Variants in MTOR observed in about 807,000 individuals in gnomAD.
MTOR encodes the protein mechanistic target of rapamycin kinase.
A neutral mutation model predicts 319.8 loss-of-function variants in MTOR; 70 were observed. The ratio of observed to expected loss-of-function variants is 0.22; its 90% CI spans 0.18 to 0.27. The LOEUF (loss-of-function observed/expected upper bound fraction) is 0.27, where lower values mean the gene tolerates loss of function less well. Ranked by LOEUF, MTOR falls within the 10% of genes least tolerant of loss-of-function variation. The probability of loss-of-function intolerance (pLI) is 1.00; values close to 1 mark genes in which losing one functional copy is unlikely to be tolerated. For synonymous variants in MTOR, 1,183 were observed against 1,211.4 expected (o/e 0.98, Z 0.49); for missense variants, 1,890 against 3,274.4 (o/e 0.58, Z 10.32).
At chr1:11,259,171 CA>C (rs529301227) in intron 2 of MTOR, 76 bp downstream of exon 2, 349 of 1,501,986 alleles carry the variant, frequency 2.3e-4, no homozygotes, top group East Asian at 4.6e-4. Context: ...CTTAGCTGTA[CA>C]AAAAAAAATG....
At chr1:11,250,947 G>C (rs1649588729) in intron 6 of MTOR, among the ~76,000 whole-genome samples, 2 of 152,086 alleles carry the variant, frequency 1.3e-5, no homozygotes, top group South Asian at 2.1e-4. Flanking sequence ...CAACTCCATA[G>C]CTCCCACTGT....
At chr1:11,131,929 T>C (rs1208497922) in intron 38 of MTOR, 1 of 152,232 alleles carries the variant, frequency 6.6e-6, no homozygotes, top group Non-Finnish European at 1.5e-5. Flanking sequence ...TGAGTAAGAA[T>C]TCTACAATGA....
chr1:11,109,532 T>C lies in MTOR; in HGVS notation c.7447+117A>G. The C allele has an allele frequency of 8.0e-7, 1 of 1,254,968 alleles. No individual in the cohort carries two copies. The highest frequency in any genetic ancestry group is 1.3e-5 in the South Asian group (1 of 79,422). The allele number at this position is 1,254,968 out of a possible 1,614,324, so 77.7% of individuals were successfully genotyped here. On this transcript the variant is annotated intron_variant, in intron 55 of 57. Transcript: ENST00000361445. This position sits in a 1 kb window ranked among gnomAD's most constrained non-coding sequence, Gnocchi z 4.0. The stretch of plus-strand genomic sequence containing the variant: ...ATATAATGAGAAATTCATGGAACCT[T>C]TTCTGCTCAAAGGCAGTTTTGTTGC...
At position 11,107,378 on chromosome 1, in the gene MTOR, A is replaced by G; in HGVS notation, c.*107T>C. The G allele has an allele frequency of 6.4e-7, 1 of 1,560,452 alleles. No individual in the cohort carries two copies. Among genetic ancestry groups the G allele is most frequent in the Middle Eastern group, 1.7e-4 (1 of 5,788 alleles). ...TAGTTCTTTTCATTTACATTTCAAA[A>G]TATTTAACAAAGTCAAACTTTCTCA... On this transcript the variant is annotated 3_prime_UTR_variant, in exon 58 of 58. Coordinates refer to ENST00000361445, the MANE Select transcript of MTOR (RefSeq NM_004958.4).
At chr1:11,126,880 A>G in intron 45 of MTOR, 84 bp from the exon 46 acceptor site, 1 of 1,577,574 alleles carries the variant, frequency 6.3e-7, no homozygotes, top group Non-Finnish European at 8.6e-7. Flanking sequence ...GTGGATTGCT[A>G]ATAACAATTA....
intron 6 of MTOR, among the ~76,000 whole-genome samples, chr1:11,250,987 A>G (rs1246712692): frequency 2.0e-5 from 3 of 152,108 alleles, no homozygotes; most frequent in African/African-American, 4.8e-5. Flanking sequence ...CCCCACTAAG[A>G]CCATGGCAAT....
chr1:11,115,617 T>A lies in MTOR; in HGVS notation c.7017-149A>T. ...CCACCTCCACTTCTGCAAGTCCAGT[T>A]TTACTGGAACACACAGCACGCTCCC... On this transcript the variant is annotated intron_variant, in intron 50 of 57. Coordinates refer to ENST00000361445, the MANE Select transcript of MTOR (RefSeq NM_004958.4). The surrounding 1 kb of genome is among the most constrained non-coding windows in gnomAD (Gnocchi z 4.5). 1.4e-6 allele frequency: 1 copy of A among 690,494 alleles called. No homozygotes were observed. 42.8% of individuals were successfully genotyped at this position (690,494 alleles called of 1,614,324 possible). A position where few individuals can be genotyped will look rare whatever the true frequency, so the allele number is the denominator to read the frequency against.
At chr1:11,122,332 T>C (rs1264980563) in intron 47 of MTOR, among the ~76,000 whole-genome samples, 1 of 150,832 alleles carries the variant, frequency 6.6e-6, no homozygotes, top group East Asian at 1.9e-4. Context: ...GCCTCCCGAG[T>C]AGCTGGGACT....
At chr1:11,149,907 C>T (rs1644078610) in intron 31 of MTOR, among the ~76,000 whole-genome samples, 1 of 152,122 alleles carries the variant, frequency 6.6e-6, no homozygotes, top group Admixed American at 6.6e-5. Flanking sequence ...TTTTCCTTGG[C>T]CTCCCCACGA....
intron 30 of MTOR, among the ~76,000 whole-genome samples, chr1:11,152,098 A>G (rs1423895025): frequency 6.6e-6 from 1 of 152,242 alleles, no homozygotes; most frequent in Non-Finnish European, 1.5e-5. Context: ...TGGTCAGTAC[A>G]CAGACAAGAG....
chr1:11,147,867 A>C (rs1643989228), intron 31 of MTOR, among the ~76,000 whole-genome samples: 1 of 152,186 alleles, frequency 6.6e-6, no homozygotes, highest in South Asian at 2.1e-4. Flanking sequence ...AGTGTCAGAA[A>C]TTGACATGTC....
At position 11,121,495 on chromosome 1, in the gene MTOR, G is replaced by T; in HGVS notation, c.6811-127C>A. Reference sequence around the variant, plus strand: ...TTTCCCCATCATAGCCAAAGGAGAAGGGAAATAAGAACATGGCAAAAGGAG... The same window carrying T: ...TTTCCCCATCATAGCCAAAGGAGAATGGAAATAAGAACATGGCAAAAGGAG... On this transcript the variant is annotated intron_variant, in intron 48 of 57. Coordinates refer to ENST00000361445, the MANE Select transcript of MTOR (RefSeq NM_004958.4). This position sits in a 1 kb window ranked among gnomAD's most constrained non-coding sequence, Gnocchi z 4.9. 1 of 1,296,490 alleles carries T rather than the reference G, an allele frequency of 7.7e-7. No individual in the cohort carries two copies. Among genetic ancestry groups the T allele is most frequent in the Non-Finnish European group, 1.1e-6 (1 of 941,734 alleles). The allele number at this position is 1,296,490 out of a possible 1,614,324, so 80.3% of individuals were successfully genotyped here. A position where few individuals can be genotyped will look rare whatever the true frequency, so the allele number is the denominator to read the frequency against.
rs1643079946 is a variant in MTOR, at chr1:11,130,433, T to A, written c.5613+96A>T. 3.9e-6 allele frequency: 6 copies of A among 1,538,302 alleles called. No homozygotes were observed. In the Middle Eastern group the frequency reaches 5.3e-4, roughly 135 times the overall value. On this transcript the variant is annotated intron_variant, in intron 39 of 57. Coordinates refer to ENST00000361445, the MANE Select transcript of MTOR (RefSeq NM_004958.4). ...TTCCAGCTCCATCTGGCACTTCAGA[T>A]ACAGCCTCAGGTTCCTTTTAAGCTT...
At chr1:11,124,422 C>A (rs1345093386) in intron 47 of MTOR, 76 bp downstream of exon 47, 2 of 1,546,534 alleles carry the variant, frequency 1.3e-6, no homozygotes, top group South Asian at 1.2e-5. Context: ...AGATATAATA[C>A]ATGACTACAC....
At chr1:11,148,695 T>C (rs1644029122) in intron 31 of MTOR, among the ~76,000 whole-genome samples, 1 of 150,154 alleles carries the variant, frequency 6.7e-6, no homozygotes, top group African/African-American at 2.5e-5. Flanking sequence ...AGATCAGGAG[T>C]TCAAGACCAG....
At chr1:11,119,217 G>A (rs1642361668) in intron 49 of MTOR, among the ~76,000 whole-genome samples, 1 of 151,740 alleles carries the variant, frequency 6.6e-6, no homozygotes, top group African/African-American at 2.4e-5. Flanking sequence ...GATAACTCGA[G>A]GCTAGGAGTT....
At chr1:11,241,815 G>GAT in intron 9 of MTOR, 134 bp from the exon 10 acceptor site, 1 of 955,014 alleles carries the variant, frequency 1.0e-6, no homozygotes, top group South Asian at 1.6e-5. Context: ...ATTGTCCAGA[G>GAT]CACAGTTCAA....
intron 11 of MTOR, among the ~76,000 whole-genome samples, 178 bp from the exon 12 acceptor site, chr1:11,238,795 C>T (rs1026397508): frequency 6.7e-6 from 1 of 148,644 alleles, no homozygotes; most frequent in African/African-American, 2.5e-5. Flanking sequence ...CGGAGTCTTG[C>T]TCTGTCGCCC....
rs118115492 is a variant in MTOR at position 11,121,102 on chromosome 1, A to C, written c.6933+144T>G. On this transcript the variant is annotated intron_variant, in intron 49 of 57. Transcript: ENST00000361445. The surrounding 1 kb of genome is among the most constrained non-coding windows in gnomAD (Gnocchi z 4.9). ...TGAACTTGTCTTGCTCACCCATTTC[A>C]TTTTTGTTAGAAAAGTCTGGACACG... is the stretch of plus-strand genomic sequence containing the variant. The C allele has an allele frequency of 9.1e-7, 1 of 1,102,670 alleles. No individual in the cohort carries two copies. Among genetic ancestry groups the C allele is most frequent in the East Asian group, 2.6e-5 (1 of 37,870 alleles). 68.3% of individuals were successfully genotyped at this position (1,102,670 alleles called of 1,614,324 possible).
Sources: gnomAD v4.1 joint callset for allele counts (sites outside exome capture counted in the v4.1 genomes callset) on GRCh38, gnomAD v4.1.1 for gene constraint, Gnocchi (gnomAD v3.1) non-coding constraint, MANE v1.5 for transcripts, NCBI Gene and HGNC (gene_info 2026-07-23, HGNC 2026-07-21) for gene names.